Variants in PDIA6 observed in about 807,000 individuals in gnomAD.
PDIA6 encodes the protein protein disulfide-isomerase A6.
A neutral mutation model predicts 58.4 loss-of-function variants in PDIA6; 29 were observed. That is an observed-to-expected ratio of 0.50 (90% CI 0.37 to 0.68). The LOEUF is 0.68. PDIA6 is among the 30% of genes least tolerant of loss of function. The pLI, the probability that PDIA6 is intolerant of heterozygous loss-of-function variation, is 0.00. For missense variants in PDIA6, 480 were observed against 551.0 expected, an observed-to-expected ratio of 0.87 and a Z score of 1.29; for synonymous variants, 192 against 202.6, an observed-to-expected ratio of 0.95 and a Z score of 0.44.
At chr2:10,836,199 T>G (rs1392933512), upstream of PDIA6, among the ~76,000 whole-genome samples, 1 of 152,138 alleles carries the variant, frequency 6.6e-6, no homozygotes, top group African/African-American at 2.4e-5. Context: ...CTTTCCCATG[T>G]AAGAAATACA....
chr2:10,801,299 C>T (rs1666502382), intron 2 of PDIA6, among the ~76,000 whole-genome samples: 1 of 152,106 alleles, frequency 6.6e-6, no homozygotes, highest in Non-Finnish European at 1.5e-5. Context: ...TTGCTCTAAT[C>T]AGACATTCAG....
At chr2:10,837,386 G>T, upstream of PDIA6, 2 of 604,190 alleles carry the variant, frequency 3.3e-6, no homozygotes, top group South Asian at 4.0e-5. Flanking sequence ...CACTCAATAT[G>T]ACAAGATTAA....
intron 1 of PDIA6, among the ~76,000 whole-genome samples, chr2:10,806,624 A>AAGACAGACAGACAGACAGACAGAC (rs1188648071): frequency 2.7e-4 from 38 of 139,746 alleles, no homozygotes; most frequent in Non-Finnish European, 4.1e-4. Context: ...CTAAAAAATA[A>AAGACAGACAGACAGACAGACAGAC]AGACAGAAAG....
At chr2:10,795,147 T>C (rs1666213120) in intron 4 of PDIA6, among the ~76,000 whole-genome samples, 1 of 152,192 alleles carries the variant, frequency 6.6e-6, no homozygotes, top group Admixed American at 6.5e-5. Context: ...TCTGGACATA[T>C]GCCAAATCAT....
At chr2:10,787,712 CAG>C (rs145235934) in intron 10 of PDIA6, among the ~76,000 whole-genome samples, 5 of 152,172 alleles carry the variant, frequency 3.3e-5, no homozygotes, top group Middle Eastern at 3.4e-3. Flanking sequence ...AGAGGGACAA[CAG>C]GGGGCGCTAG....
intron 1 of PDIA6, among the ~76,000 whole-genome samples, chr2:10,809,232 C>T (rs1262552672): frequency 2.0e-5 from 3 of 152,306 alleles, no homozygotes; most frequent in South Asian, 2.1e-4. Context: ...TTTAAAATTA[C>T]ATATATGTTT....
intron 1 of PDIA6, among the ~76,000 whole-genome samples, chr2:10,829,076 G>A (rs80211293): frequency 6.6e-6 from 1 of 152,186 alleles, no homozygotes; most frequent in Admixed American, 6.5e-5. Context: ...GCTTCAACAG[G>A]TCTTCGTGCC....
chr2:10,819,482 G>A (rs1379229285), intron 1 of PDIA6: 12 of 613,692 alleles, frequency 2.0e-5, no homozygotes, highest in East Asian at 2.9e-5. Flanking sequence ...GTTAATCAAC[G>A]AAAAGTTATA....
At chr2:10,814,004 T>C (rs7561135), upstream of PDIA6, among the ~76,000 whole-genome samples, 21,422 of 151,392 alleles carry the variant, frequency 0.14, 2,025 homozygotes, top group African/African-American at 0.26. Context: ...GGATTACAGT[T>C]GTGAGCCACC....
intron 1 of PDIA6, among the ~76,000 whole-genome samples, chr2:10,829,583 A>G (rs150144317): frequency 2.8e-4 from 43 of 152,332 alleles, no homozygotes; most frequent in African/African-American, 9.6e-4. Flanking sequence ...CCTTTCACTG[A>G]GTCAATCACC....
intron 12 of PDIA6, 86 bp downstream of exon 12, chr2:10,784,848 G>A: frequency 2.0e-6 from 2 of 981,444 alleles, no homozygotes; most frequent in East Asian, 2.6e-5. Flanking sequence ...CTGATGGGAA[G>A]GACTTGACTC....
chr2:10,797,848 G>A, intron 2 of PDIA6, 91 bp from the exon 3 acceptor site: 1 of 1,017,692 alleles, frequency 9.8e-7, no homozygotes, highest in Non-Finnish European at 1.5e-6. Flanking sequence ...CCCCATCAAT[G>A]GTCTATTGAA....
intron 10 of PDIA6, 139 bp from the exon 11 acceptor site, chr2:10,787,578 A>G (rs940681573): frequency 3.5e-6 from 3 of 854,058 alleles, no homozygotes; most frequent in South Asian, 1.9e-5. Flanking sequence ...GAGTTTCTAT[A>G]TGGATTTTCC....
chr2:10,831,478 C>T (rs1007992904), intron 1 of PDIA6, among the ~76,000 whole-genome samples: 2 of 152,162 alleles, frequency 1.3e-5, no homozygotes, highest in Admixed American at 6.5e-5. Context: ...GCTAAGACTG[C>T]GTTTCACCCG....
chr2:10,800,055 AAAC>A (rs1353534807), intron 2 of PDIA6, among the ~76,000 whole-genome samples: 3 of 152,236 alleles, frequency 2.0e-5, no homozygotes, highest in East Asian at 3.8e-4. Context: ...TTACGAATGT[AAAC>A]AACACTCCAC....
chr2:10,799,588 T>A (rs1287618851), intron 2 of PDIA6, among the ~76,000 whole-genome samples: 2 of 152,186 alleles, frequency 1.3e-5, no homozygotes, highest in African/African-American at 4.8e-5. Flanking sequence ...GTATCTGAAG[T>A]TAGGGTCTAT....
rs1440038038 is a variant in PDIA6 at position 10,794,585 on chromosome 2, T to C, written c.347-1383A>G. Among the ~76,000 whole-genome samples, 4 of 151,806 alleles carry C rather than the reference T, an allele frequency of 2.6e-5. No homozygotes were observed. In the South Asian group the frequency reaches 6.2e-4, roughly 24 times the overall value. The stretch of plus-strand genomic sequence containing the variant: ...TCTAAGGTGTGGCAGCCGGCCTTTT[T>C]TTCTGCCCAGGAAGAGAAACTTTTG... On this transcript the variant is annotated intron_variant, in intron 4 of 12. Transcript: ENST00000272227.
upstream of PDIA6, among the ~76,000 whole-genome samples, chr2:10,834,193 G>C (rs938311747): frequency 4.6e-5 from 7 of 152,240 alleles, no homozygotes; most frequent in East Asian, 1.9e-4. Context: ...GATTTCAAAA[G>C]GAGGCAGTGC....
At chr2:10,807,325 C>T (rs1222703525) in intron 1 of PDIA6, among the ~76,000 whole-genome samples, 2 of 152,218 alleles carry the variant, frequency 1.3e-5, no homozygotes, top group Admixed American at 6.5e-5. Flanking sequence ...GATCCTCCCA[C>T]CTCAGCACCC....
Sources: gnomAD v4.1 joint callset for allele counts (sites outside exome capture counted in the v4.1 genomes callset) on GRCh38, gnomAD v4.1.1 for gene constraint, MANE v1.5 for transcripts, NCBI Gene and HGNC (gene_info 2026-07-23, HGNC 2026-07-21) for gene names.